The following EXOC1 variants were observed in gnomAD, a reference collection of about 807,000 sequenced individuals.
EXOC1 encodes the protein exocyst complex component 1.
Under a neutral mutation model 107.7 loss-of-function variants are expected in EXOC1, and 67 were observed. The ratio of observed to expected loss-of-function variants is 0.62; its 90% CI spans 0.51 to 0.76. The LOEUF is 0.76. Among genes scored for constraint, EXOC1 ranks in the 30% least tolerant of loss-of-function variants. The pLI, the probability that EXOC1 is intolerant of heterozygous loss-of-function variation, is 0.00. For missense variants in EXOC1, 833 were observed against 1,055.7 expected (o/e 0.79, Z 2.92); for synonymous variants, 348 against 353.5 (o/e 0.98, Z 0.17).
chr4:55,900,047 A>G (rs576894969), intron 17 of EXOC1, among the ~76,000 whole-genome samples, 163 bp downstream of exon 17: 9 of 152,284 alleles, frequency 5.9e-5, no homozygotes, highest in African/African-American at 1.7e-4. Flanking sequence ...TAGATGCTAT[A>G]TATTTTATTT....
chr4:55,860,670 T>G, intron 3 of EXOC1, 129 bp downstream of exon 3: 1 of 1,099,512 alleles, frequency 9.1e-7, no homozygotes. Context: ...TTTTTGCTTT[T>G]TTTAAGCTAT....
chr4:55,886,108 A>G (rs1723845198), intron 10 of EXOC1, among the ~76,000 whole-genome samples: 1 of 152,174 alleles, frequency 6.6e-6, no homozygotes, highest in Admixed American at 6.5e-5. Context: ...CTTTATTATA[A>G]AACAGGCTTT....
rs990297614 is a variant in EXOC1, at chr4:55,875,979, G to T, written c.1075-1938G>T. ...CCTAAAACTATAATATCTATATCTGGCTAGTATCTAATACATGTGATGCTG... is the reference window on the plus strand; with the variant it reads ...CCTAAAACTATAATATCTATATCTGTCTAGTATCTAATACATGTGATGCTG... On this transcript the variant is annotated intron_variant, in intron 8 of 18. Coordinates refer to ENST00000381295, the MANE Select transcript of EXOC1 (RefSeq NM_001024924.2). The T allele has an allele frequency of 1.4e-4, 135 of 958,892 alleles. No homozygotes were observed. In the African/African-American group the frequency reaches 2.3e-3, roughly 16 times the overall value. The allele number at this position is 958,892 out of a possible 1,614,324, so 59.4% of individuals were successfully genotyped here.
chr4:55,860,601 G>A lies in EXOC1; in HGVS notation c.255+60G>A, dbSNP rs545726758. The A allele has an allele frequency of 2.5e-5, 39 of 1,568,054 alleles. No individual in the cohort carries two copies. In the Admixed American group the frequency reaches 7.1e-4, roughly 28 times the overall value. On this transcript the variant is annotated intron_variant, in intron 3 of 18. Coordinates refer to ENST00000381295, the MANE Select transcript of EXOC1 (RefSeq NM_001024924.2). The stretch of plus-strand genomic sequence containing the variant: ...AAAGCATCTTTCATTTTATAACATG[G>A]TATTACATATTCTAAAATGATCTAA...
At chr4:55,854,854 A>G (rs1212799186) in intron 1 of EXOC1, among the ~76,000 whole-genome samples, 1 of 152,192 alleles carries the variant, frequency 6.6e-6, no homozygotes, top group East Asian at 1.9e-4. Context: ...CACTAAACAC[A>G]AAACTATGAT....
At chr4:55,866,906 TTTC>T (rs1240488502) in intron 4 of EXOC1, 4 of 984,944 alleles carry the variant, frequency 4.1e-6, no homozygotes, top group East Asian at 1.1e-4. Context: ...CGTAACACCT[TTTC>T]TTCTTCTATT....
At chr4:55,896,302 A>T (rs1311024657) in intron 15 of EXOC1, among the ~76,000 whole-genome samples, 1 of 151,584 alleles carries the variant, frequency 6.6e-6, no homozygotes, top group Non-Finnish European at 1.5e-5. Flanking sequence ...GGCATGCACG[A>T]CCCCACCCAG....
chr4:55,864,421 T>A, intron 4 of EXOC1, 35 bp downstream of exon 4: 9 of 1,509,182 alleles, frequency 6.0e-6, no homozygotes, highest in Non-Finnish European at 7.2e-6. Flanking sequence ...GTAAAATCAA[T>A]TATATCTTTA....
chr4:55,879,476 A>G (rs1374470545), intron 9 of EXOC1, among the ~76,000 whole-genome samples: 1 of 152,098 alleles, frequency 6.6e-6, no homozygotes, highest in African/African-American at 2.4e-5. Context: ...TGGTGGGGGC[A>G]GGGTGGATCT....
chr4:55,867,594 C>G (rs1722069261), intron 4 of EXOC1, among the ~76,000 whole-genome samples: 1 of 150,044 alleles, frequency 6.7e-6, no homozygotes, highest in Non-Finnish European at 1.5e-5. Flanking sequence ...ACTGAAACAT[C>G]TAGAAAGCAT....
intron 15 of EXOC1, among the ~76,000 whole-genome samples, chr4:55,895,728 T>G (rs1214304796): frequency 6.6e-6 from 1 of 152,218 alleles, no homozygotes; most frequent in Non-Finnish European, 1.5e-5. Flanking sequence ...GTGGATCGTT[T>G]TGAACCTAAG....
rs780701587 is a variant in EXOC1 at position 55,896,837 on chromosome 4, G to T, written c.2074G>T (p.Ala692Ser). The T allele has an allele frequency of 3.2e-5, 52 of 1,611,690 alleles. No homozygotes were observed. The East Asian group carries it at 1.2e-3, about 36-fold the overall frequency. Reference protein sequence around the residue: ...AGLAESIFKNAERRGDLDKAY... With the variant: ...AGLAESIFKNSERRGDLDKAY... ...ACTTGCAGAATCAATCTTCAAAAAT[G>T]CTGAGCGTCGTGGAGACCTGGATAA... is the stretch of plus-strand genomic sequence containing the variant. The change falls in exon 16 of 19, where the codon GCT (alanine) becomes TCT (serine). Residue 692 changes from alanine to serine, a missense_variant. Ala to Ser is a moderately conservative substitution (Grantham distance 99). Coordinates refer to ENST00000381295, the MANE Select transcript of EXOC1 (RefSeq NM_001024924.2).
Position 55,857,166 on chromosome 4 carries a change from T to TC in EXOC1, c.-10-1148_-10-1147insC. On this transcript the variant is annotated intron_variant, in intron 1 of 18. Transcript: ENST00000381295. ...TGTTTCATTACTTCATTTCCTTTTT[T>TC]TCTTTTTTTTTTTTTTTTTTTTTTT... 1.0e-4 allele frequency among the ~76,000 whole-genome samples: 14 copies of TC among 140,636 alleles called. 1 individual carries two copies. The highest frequency in any genetic ancestry group is 3.8e-4 in the African/African-American group (14 of 36,722). The allele number at this position is 140,636 out of a possible 152,430, so 92.3% of individuals were successfully genotyped here.
chr4:55,892,557 T>C (rs1363444601), intron 13 of EXOC1, 78 bp from the exon 14 acceptor site: 1 of 1,123,040 alleles, frequency 8.9e-7, no homozygotes, highest in African/African-American at 1.6e-5. Context: ...ATTTTAAGAC[T>C]GAGCAGGCTT....
At chr4:55,887,174 CCT>C (rs1485643540) in intron 10 of EXOC1, among the ~76,000 whole-genome samples, 1 of 124,820 alleles carries the variant, frequency 8.0e-6, no homozygotes, top group Non-Finnish European at 1.7e-5. Context: ...ATATATATCA[CCT>C]CTCATTAGTC....
At chr4:55,879,236 G>C (rs537033208) in intron 9 of EXOC1, among the ~76,000 whole-genome samples, 1 of 152,316 alleles carries the variant, frequency 6.6e-6, no homozygotes, top group South Asian at 2.1e-4. Flanking sequence ...TATTCTAGAG[G>C]AGACAGACAG....
intron 5 of EXOC1, among the ~76,000 whole-genome samples, chr4:55,869,243 G>A (rs2110331938): frequency 6.6e-6 from 1 of 152,164 alleles, no homozygotes; most frequent in East Asian, 1.9e-4. Flanking sequence ...GCATGCTCCT[G>A]TGGTCCCAGC....
chr4:55,897,051 T>C (rs1725292216), intron 16 of EXOC1, 151 bp downstream of exon 16: 1 of 645,458 alleles, frequency 1.5e-6, no homozygotes, highest in South Asian at 2.7e-5. Flanking sequence ...ATTTGGAAAA[T>C]AAAACCTATT....
At chr4:55,872,357 A>G (rs73238380) in intron 8 of EXOC1, among the ~76,000 whole-genome samples, 8,189 of 150,516 alleles carry the variant, frequency 0.054, 328 homozygotes, top group Non-Finnish European at 0.084. Flanking sequence ...TGTAAGTTCT[A>G]TGTACTTAGT....
Sources: gnomAD v4.1 joint callset for allele counts (sites outside exome capture counted in the v4.1 genomes callset) on GRCh38, gnomAD v4.1.1 for gene constraint, MANE v1.5 for transcripts, NCBI Gene and HGNC (gene_info 2026-07-23, HGNC 2026-07-21) for gene names.